Variants in CEP104 observed in about 807,000 individuals in gnomAD.
CEP104 encodes centrosomal protein of 104 kDa.
CEP104 carries 84 observed loss-of-function variants against 113.3 expected under a neutral mutation model. The ratio of observed to expected loss-of-function variants is 0.74; its 90% CI spans 0.62 to 0.89. The LOEUF (loss-of-function observed/expected upper bound fraction) is 0.89. Ranked by LOEUF, CEP104 falls within the 40% of genes least tolerant of loss-of-function variation. The pLI, the probability that CEP104 is intolerant of heterozygous loss-of-function variation, is 0.00. For missense variants in CEP104, 1,053 were observed against 1,156.6 expected (o/e 0.91, Z 1.30); for synonymous variants, 378 against 421.7 (o/e 0.90, Z 1.27).
At position 3,845,288 on chromosome 1, in the gene CEP104, C is replaced by A. The variant is rs1644487070; in HGVS notation, c.489+1G>T. 1 of 1,592,536 alleles carries A rather than the reference C, an allele frequency of 6.3e-7. No homozygotes were observed. The highest frequency in any genetic ancestry group is 1.3e-5 in the African/African-American group (1 of 74,186). Reference sequence around the variant, plus strand: ...TAGGAATTAAAACTTTCCAAACTTACAGTATTGCTTTCATCACTGAAATCT... The same window carrying A: ...TAGGAATTAAAACTTTCCAAACTTAAAGTATTGCTTTCATCACTGAAATCT... On this transcript the variant is annotated splice_donor_variant, in intron 5 of 21. Transcript: ENST00000378230. LOFTEE classifies it high-confidence loss of function.
At chr1:3,834,399 T>C (rs1403430521) in intron 11 of CEP104, among the ~76,000 whole-genome samples, 1 of 150,926 alleles carries the variant, frequency 6.6e-6, no homozygotes, top group Non-Finnish European at 1.5e-5. Flanking sequence ...CCTGCTTCAA[T>C]GGGTAAGCCC....
chr1:3,835,143 A>G, intron 10 of CEP104, 51 bp from the exon 11 acceptor site: 1 of 1,421,852 alleles, frequency 7.0e-7, no homozygotes, highest in Admixed American at 2.4e-5. Context: ...ATCCTCCAAC[A>G]CTACACAACT....
chr1:3,820,482 G>A (rs138979891), intron 20 of CEP104, among the ~76,000 whole-genome samples: 2 of 152,112 alleles, frequency 1.3e-5, no homozygotes, highest in Admixed American at 1.3e-4. Context: ...GGATGGAAGC[G>A]GGGCAGGACG....
In CEP104 at chr1:3,829,943, G is replaced by GA; in HGVS notation, c.1890dup (p.Arg631SerfsTer36). The stretch of plus-strand genomic sequence containing the variant: ...TGTCTGTACATGTCCAAAATAATTC[G>GA]AACCGCCGTCTCGCGGACCTCATAC... On this transcript the variant is annotated frameshift_variant, in exon 14 of 22. Coordinates refer to ENST00000378230, the MANE Select transcript of CEP104 (RefSeq NM_014704.4). LOFTEE classifies it high-confidence loss of function. The GA allele has an allele frequency of 6.2e-7, 1 of 1,614,136 alleles. No homozygotes were observed. The highest frequency in any genetic ancestry group is 8.5e-7 in the Non-Finnish European group (1 of 1,180,034).
In CEP104 at chr1:3,852,366, T is replaced by G; in HGVS notation, c.42A>C (p.Gly14=). 6.2e-7 allele frequency: 1 copy of G among 1,614,170 alleles called. No individual in the cohort carries two copies. Residue 14 remains glycine (G), a synonymous_variant, in exon 2 of 22, where the codon GGA becomes GGC. Transcript: ENST00000378230. ...KIGFVVVSSS[G]HEDGFSAREL... ...CCCGGGCACTGAAGCCGTCTTCGTG[T>G]CCAGATGAGCTGACGACTACAAATC...
chr1:3,845,071 T>A (rs1644483469), intron 5 of CEP104, 88 bp from the exon 6 acceptor site: 3 of 1,218,294 alleles, frequency 2.5e-6, no homozygotes, highest in Admixed American at 1.8e-5. Context: ...CATATAAAGC[T>A]GTCAGCAAGG....
chr1:3,829,431 G>T, intron 14 of CEP104, 58 bp from the exon 15 acceptor site: 1 of 1,249,014 alleles, frequency 8.0e-7, no homozygotes. Context: ...TTAGAAACTG[G>T]GAGACAAATT....
chr1:3,834,922 C>T lies in CEP104; in HGVS notation c.1485+3G>A, dbSNP rs1355193300. The T allele has an allele frequency of 1.3e-6, 2 of 1,578,018 alleles. No homozygotes were observed. Among genetic ancestry groups the T allele is most frequent in the Middle Eastern group, 3.3e-4 (2 of 6,026 alleles). On this transcript the variant is annotated splice_donor_region_variant and intron_variant, in intron 11 of 21. Transcript: ENST00000378230. The stretch of plus-strand genomic sequence containing the variant: ...GGAGCCAGCGCCAGCTGAGGGCACT[C>T]ACGGAGGTCACAATGTCCTTTATGG...
At chr1:3,849,223 G>A (rs1395841627) in intron 2 of CEP104, among the ~76,000 whole-genome samples, 2 of 150,896 alleles carry the variant, frequency 1.3e-5, no homozygotes, top group Non-Finnish European at 2.9e-5. Flanking sequence ...ACAAGCCTAT[G>A]CTATGGGCCA....
At position 3,815,136 on chromosome 1, in the gene CEP104, A is replaced by C; in HGVS notation, c.*266T>G. ...TCCAAACAGGACGCTTCCTTCTCTGATTCTAAGGAAGGCCTGAGACAGCCC... is the reference window on the plus strand; with the variant it reads ...TCCAAACAGGACGCTTCCTTCTCTGCTTCTAAGGAAGGCCTGAGACAGCCC... On this transcript the variant is annotated 3_prime_UTR_variant, in exon 22 of 22. Transcript: ENST00000378230. 1 of 453,840 alleles carries C rather than the reference A, an allele frequency of 2.2e-6. No homozygotes were observed. Among genetic ancestry groups the C allele is most frequent in the Admixed American group, 4.0e-5 (1 of 25,088 alleles). The allele number at this position is 453,840 out of a possible 1,614,324, so 28.1% of individuals were successfully genotyped here. A position where few individuals can be genotyped will look rare whatever the true frequency, so the allele number is the denominator to read the frequency against.
chr1:3,844,540 T>C (rs1644471020), intron 6 of CEP104, among the ~76,000 whole-genome samples: 1 of 151,098 alleles, frequency 6.6e-6, no homozygotes, highest in South Asian at 2.1e-4. Flanking sequence ...CTGCTAAAAA[T>C]ACAAAAAATT....
At chr1:3,825,921 CG>C in intron 17 of CEP104, 55 bp from the exon 18 acceptor site, 2 of 1,160,000 alleles carry the variant, frequency 1.7e-6, no homozygotes, top group Non-Finnish European at 2.6e-6. Flanking sequence ...CACTGATGGC[CG>C]TTCCGCTCCC....
chr1:3,852,006 A>G (rs973864612), intron 2 of CEP104, among the ~76,000 whole-genome samples: 1 of 152,206 alleles, frequency 6.6e-6, no homozygotes, highest in Non-Finnish European at 1.5e-5. Flanking sequence ...CCAGCGTGTG[A>G]TCAGGGAGTA....
intron 1 of CEP104, among the ~76,000 whole-genome samples, chr1:3,852,884 C>A (rs1035441854): frequency 6.7e-6 from 1 of 149,730 alleles, no homozygotes; most frequent in African/African-American, 2.4e-5. Flanking sequence ...ACCGGAGCAA[C>A]GCATCTCTAA....
chr1:3,853,674 T>C (rs981055887), intron 1 of CEP104, among the ~76,000 whole-genome samples: 1 of 152,206 alleles, frequency 6.6e-6, no homozygotes, highest in African/African-American at 2.4e-5. Context: ...ACAAAAGCAC[T>C]AAAATAGAAT....
In CEP104 at chr1:3,813,907, TTA is replaced by T. The variant is rs1449989961; in HGVS notation, c.*1493_*1494del. ...TATTCTTAAAGGTTCCTGGTAGGTC[TTA>T]TATCTTACTCAGTATTCTCAGTCAA... On this transcript the variant is annotated 3_prime_UTR_variant, in exon 22 of 22. Coordinates refer to ENST00000378230, the MANE Select transcript of CEP104 (RefSeq NM_014704.4). 1.3e-5 allele frequency: 2 copies of T among 152,106 alleles called. No individual in the cohort carries two copies. The highest frequency in any genetic ancestry group is 4.8e-5 in the African/African-American group (2 of 41,418). 9.4% of individuals were successfully genotyped at this position (152,106 alleles called of 1,614,324 possible).
At chr1:3,836,928 G>C (rs1644326257) in intron 9 of CEP104, 2 of 528,832 alleles carry the variant, frequency 3.8e-6, no homozygotes, top group Non-Finnish European at 6.6e-6. Flanking sequence ...ATAAAAAAAA[G>C]CAAGGTAGAT....
chr1:3,838,407 T>C (rs1372841383), intron 8 of CEP104, among the ~76,000 whole-genome samples: 10 of 152,178 alleles, frequency 6.6e-5, no homozygotes, highest in Non-Finnish European at 1.3e-4. Flanking sequence ...AGCCTTGGCC[T>C]CCCAAAGTGA....
At chr1:3,829,086 A>G (rs895629125) in intron 15 of CEP104, among the ~76,000 whole-genome samples, 180 bp downstream of exon 15, 1 of 152,188 alleles carries the variant, frequency 6.6e-6, no homozygotes, top group Non-Finnish European at 1.5e-5. Flanking sequence ...CTGCCACCCA[A>G]TTCCACCTCT....
Sources: gnomAD v4.1 joint callset for allele counts (sites outside exome capture counted in the v4.1 genomes callset) on GRCh38, gnomAD v4.1.1 for gene constraint, MANE v1.5 for transcripts, NCBI Gene and HGNC (gene_info 2026-07-23, HGNC 2026-07-21) for gene names.